The following HELZ variants were observed in gnomAD, a reference collection of about 807,000 sequenced individuals.
HELZ encodes ATP-dependent RNA helicase with zinc finger domain.
A neutral mutation model predicts 218.2 loss-of-function variants in HELZ; 23 were observed. That is an observed-to-expected ratio of 0.11 (90% CI 0.08 to 0.15). HELZ has a LOEUF of 0.15. Ranked by LOEUF, HELZ falls within the 10% of genes least tolerant of loss-of-function variation. The probability of loss-of-function intolerance (pLI) is 1.00; values close to 1 mark genes in which losing one functional copy is unlikely to be tolerated. For synonymous variants in HELZ, 814 were observed against 829.4 expected, an observed-to-expected ratio of 0.98 and a Z score of 0.32; for missense variants, 1,813 against 2,353.7, an observed-to-expected ratio of 0.77 and a Z score of 4.75.
At chr17:67,198,275 G>A (rs1003209312) in intron 7 of HELZ, among the ~76,000 whole-genome samples, 1 of 152,216 alleles carries the variant, frequency 6.6e-6, no homozygotes, top group African/African-American at 2.4e-5. Context: ...ACCACACAGT[G>A]CATTTCAGCA....
In HELZ at chr17:67,195,838, C is replaced by CTT. The variant is rs66827855; in HGVS notation, c.430-370_430-369dup. On this transcript the variant is annotated intron_variant, in intron 7 of 32. Coordinates refer to ENST00000358691, the MANE Select transcript of HELZ (RefSeq NM_014877.4). Reference sequence around the variant, plus strand: ...TGTCTGATTACAGAGGTTTCTTTTCCTTTTTTTTTTTTTCTTTTTTTTTTT... The same window carrying CTT: ...TGTCTGATTACAGAGGTTTCTTTTCCTTTTTTTTTTTTTTTCTTTTTTTTTTT... 4.8e-3 allele frequency among the ~76,000 whole-genome samples: 485 copies of CTT among 100,860 alleles called. 1 individual carries two copies. The highest frequency in any genetic ancestry group is 6.6e-3 in the Middle Eastern group (1 of 152). The allele number at this position is 100,860 out of a possible 152,430, so 66.2% of individuals were successfully genotyped here.
intron 12 of HELZ, among the ~76,000 whole-genome samples, chr17:67,181,281 T>C (rs1041301678): frequency 1.3e-5 from 2 of 152,200 alleles, no homozygotes; most frequent in Non-Finnish European, 2.9e-5. Context: ...TTTAAGTAGC[T>C]GAGACAAGAA....
At chr17:67,245,588 GT>G, upstream of HELZ, 7 of 921,782 alleles carry the variant, frequency 7.6e-6, no homozygotes, top group Non-Finnish European at 9.1e-6. Context: ...GGATGTGAGC[GT>G]TTCTGCTCCT....
intron 5 of HELZ, among the ~76,000 whole-genome samples, chr17:67,213,712 A>C (rs182205145): frequency 3.9e-5 from 6 of 152,326 alleles, no homozygotes; most frequent in Admixed American, 3.9e-4. Flanking sequence ...AAAGGGCAAC[A>C]ATAAGAAAGA....
intron 28 of HELZ, among the ~76,000 whole-genome samples, chr17:67,110,840 G>T (rs1213806700): frequency 6.6e-6 from 1 of 152,196 alleles, no homozygotes; most frequent in Admixed American, 6.5e-5. Context: ...TACAGAAGAA[G>T]GTTGCTGACC....
chr17:67,236,576 C>G (rs117465773), intron 3 of HELZ, among the ~76,000 whole-genome samples: 1,693 of 151,758 alleles, frequency 0.011, 11 homozygotes, highest in Non-Finnish European at 0.015. Context: ...ATTTTTGCAG[C>G]CTTTCAATAT....
chr17:67,102,723 C>G (rs1480027721), intron 31 of HELZ, among the ~76,000 whole-genome samples: 1 of 152,202 alleles, frequency 6.6e-6, no homozygotes, highest in Admixed American at 6.5e-5. Context: ...ATGTGAAAAT[C>G]TGCAATGTGC....
Position 67,123,135 on chromosome 17 carries a change from A to G in HELZ, c.3465T>C (p.Ile1155=), listed in dbSNP as rs1247060598. ...GAGTATATGCTCTAATAGGATTGCCAATAAGTACAGAAGGATTGGGCTGAA... is the reference window on the plus strand; with the variant it reads ...GAGTATATGCTCTAATAGGATTGCCGATAAGTACAGAAGGATTGGGCTGAA... ...GIVQPNPSVL[I]GNPIRAYTPP... is the part of the protein sequence containing the mutation. The change falls in exon 26 of 33, where the codon ATT becomes ATC. Residue 1155 remains isoleucine, a synonymous_variant. Coordinates refer to ENST00000358691, the MANE Select transcript of HELZ (RefSeq NM_014877.4). 7 of 1,613,486 alleles carry G rather than the reference A, an allele frequency of 4.3e-6. No individual in the cohort carries two copies. Among genetic ancestry groups the G allele is most frequent in the East Asian group, 4.5e-5 (2 of 44,850 alleles).
At chr17:67,189,563 T>C (rs752470725) in intron 11 of HELZ, 26 bp downstream of exon 11, 7 of 1,423,720 alleles carry the variant, frequency 4.9e-6, no homozygotes, top group South Asian at 2.3e-5. Context: ...ACAACTTTTA[T>C]GCTTTAACTA....
At chr17:67,241,725 C>T (rs189892746) in intron 2 of HELZ, among the ~76,000 whole-genome samples, 1 of 152,266 alleles carries the variant, frequency 6.6e-6, no homozygotes, top group East Asian at 1.9e-4. Flanking sequence ...TAGAAAGGTA[C>T]TTACTCCCAA....
At chr17:67,106,338 T>G (rs922889153) in intron 31 of HELZ, among the ~76,000 whole-genome samples, 1 of 151,738 alleles carries the variant, frequency 6.6e-6, no homozygotes. Context: ...AGACAGAGTC[T>G]TGCTCTGTCG....
intron 31 of HELZ, among the ~76,000 whole-genome samples, chr17:67,098,985 C>A (rs1256980431): frequency 6.6e-6 from 1 of 152,084 alleles, no homozygotes; most frequent in Non-Finnish European, 1.5e-5. Flanking sequence ...GGCCCCCAAA[C>A]CAAAATTTTA....
intron 3 of HELZ, among the ~76,000 whole-genome samples, chr17:67,238,903 G>A (rs2041254173): frequency 6.6e-6 from 1 of 152,096 alleles, no homozygotes; most frequent in South Asian, 2.1e-4. Flanking sequence ...TAATCTGAAA[G>A]ACTAATAGTA....
intron 24 of HELZ, among the ~76,000 whole-genome samples, chr17:67,125,504 G>C (rs1398746712): frequency 6.6e-6 from 1 of 151,400 alleles, no homozygotes; most frequent in East Asian, 1.9e-4. Flanking sequence ...GAGAGCCAGT[G>C]ACACAAACAG....
At chr17:67,189,340 T>C (rs918593468) in intron 11 of HELZ, among the ~76,000 whole-genome samples, 1 of 151,504 alleles carries the variant, frequency 6.6e-6, no homozygotes, top group African/African-American at 2.5e-5. Flanking sequence ...ATGTCAAAGA[T>C]CTCTTTACCA....
intron 31 of HELZ, among the ~76,000 whole-genome samples, chr17:67,099,136 C>G (rs561475337): frequency 2.6e-5 from 4 of 152,126 alleles, no homozygotes; most frequent in Non-Finnish European, 5.9e-5. Context: ...CTTATTTATT[C>G]TTGTTTCTAT....
In HELZ at chr17:67,189,687, A is replaced by T. The variant is rs769038793; in HGVS notation, c.766T>A (p.Cys256Ser). The change falls in exon 11 of 33, where the codon TGT becomes AGT. Residue 256 changes from cysteine (C) to serine (S), a missense_variant. Cys to Ser is a moderately radical substitution (Grantham distance 112). Coordinates refer to ENST00000358691, the MANE Select transcript of HELZ (RefSeq NM_014877.4). ...SLSPEKVLSE[C>S]IEGVKVEHNP... ...TGCTCTACCTTTACTCCTTCTATAC[A>T]TTCACTAAGCTGAAAACAGACAGCA... 1.2e-6 allele frequency: 2 copies of T among 1,605,592 alleles called. No homozygotes were observed. The highest frequency in any genetic ancestry group is 1.7e-6 in the Non-Finnish European group (2 of 1,172,692).
At position 67,109,813 on chromosome 17, in the gene HELZ, G is replaced by A. The variant is rs974672412; in HGVS notation, c.3919-127C>T. 2.4e-5 allele frequency: 15 copies of A among 620,064 alleles called. No individual in the cohort carries two copies. In the Admixed American group the frequency reaches 3.5e-4, roughly 14 times the overall value. 38.4% of individuals were successfully genotyped at this position (620,064 alleles called of 1,614,324 possible). A position where few individuals can be genotyped will look rare whatever the true frequency, so the allele number is the denominator to read the frequency against. On this transcript the variant is annotated intron_variant, in intron 28 of 32. Transcript: ENST00000358691. ...ATATCTTCCAGCAGGAGAGCTGAGT[G>A]CTCAATTATTTACTTTCTCACAATC...
At position 67,166,513 on chromosome 17, in the gene HELZ, G is replaced by A. The variant is rs773316998; in HGVS notation, c.1860C>T (p.Ile620=). ...IKDNGVLFPD[I]SMTPTIPWSP... is the part of the protein sequence containing the mutation. ...TCCATGGTATGGTGGGAGTCATACT[G>A]ATGTCTGGAAACAAAACCCCATTGT... The change falls in exon 15 of 33, where the codon ATC becomes ATT. Residue 620 remains isoleucine (I), a synonymous_variant. Transcript: ENST00000358691. 2 of 1,613,242 alleles carry A rather than the reference G, an allele frequency of 1.2e-6. No homozygotes were observed. Among genetic ancestry groups the A allele is most frequent in the African/African-American group, 1.3e-5 (1 of 75,004 alleles).
Sources: allele counts gnomAD v4.1 joint callset (sites outside exome capture counted in the v4.1 genomes callset), GRCh38; gene constraint gnomAD v4.1.1; transcripts MANE v1.5; gene names NCBI Gene and HGNC (gene_info 2026-07-23, HGNC 2026-07-21).